Variants in FBXL4 observed in about 807,000 individuals in gnomAD.
FBXL4 encodes the protein F-box/LRR-repeat protein 4.
FBXL4 carries 40 observed loss-of-function variants against 58.9 expected under a neutral mutation model. That is an observed-to-expected ratio of 0.68 (90% confidence interval 0.53 to 0.88). The LOEUF (loss-of-function observed/expected upper bound fraction) is 0.88, where lower values mean the gene tolerates loss of function less well. FBXL4 is among the 40% of genes least tolerant of loss of function. The pLI, the probability that FBXL4 is intolerant of heterozygous loss-of-function variation, is 0.00. For synonymous variants in FBXL4, 263 were observed against 265.5 expected (o/e 0.99, Z 0.09); for missense variants, 676 against 734.4 (o/e 0.92, Z 0.92).
At chr6:98,936,007 A>C (rs762303315) in intron 1 of FBXL4, among the ~76,000 whole-genome samples, 10 of 152,192 alleles carry the variant, frequency 6.6e-5, no homozygotes, top group Non-Finnish European at 1.3e-4. Flanking sequence ...CTTTAGCCAA[A>C]TACTAGCCAT....
intron 5 of FBXL4, among the ~76,000 whole-genome samples, chr6:98,914,067 A>T (rs1772221977): frequency 6.6e-6 from 1 of 152,242 alleles, no homozygotes; most frequent in Non-Finnish European, 1.5e-5. Context: ...AAAATATAGA[A>T]GAAATGGATA....
Position 98,905,792 on chromosome 6 carries a change from G to A in FBXL4, c.859-122C>T, listed in dbSNP as rs1771788544. 3 of 966,306 alleles carry A rather than the reference G, an allele frequency of 3.1e-6. No individual in the cohort carries two copies. The African/African-American group carries it at 4.9e-5, about 16-fold the overall frequency. 59.9% of individuals were successfully genotyped at this position (966,306 alleles called of 1,614,324 possible). The stretch of plus-strand genomic sequence containing the variant: ...CATTTTATAACAATATTTTCACATA[G>A]TAAATAAACATCCAACAGAATTATC... On this transcript the variant is annotated intron_variant, in intron 5 of 9. Transcript: ENST00000369244.
chr6:98,910,585 A>G (rs1050958366), intron 5 of FBXL4, among the ~76,000 whole-genome samples: 1 of 151,774 alleles, frequency 6.6e-6, no homozygotes, highest in African/African-American at 2.4e-5. Context: ...TGAACCCAGG[A>G]GGCGGAGCTT....
rs572275755 is a variant in FBXL4 at position 98,922,814 on chromosome 6, T to C, written c.512+3663A>G. Among the ~76,000 whole-genome samples the C allele has an allele frequency of 1.9e-4, 29 of 152,320 alleles. 1 individual carries two copies. Among genetic ancestry groups the C allele is most frequent in the African/African-American group, 2.9e-4 (12 of 41,580 alleles). Reference sequence around the variant, plus strand: ...GAAATAATGGTGATGACAGGTAACATTGGCATTTTGTTTGTCTTTTTACTG... The same window carrying C: ...GAAATAATGGTGATGACAGGTAACACTGGCATTTTGTTTGTCTTTTTACTG... On this transcript the variant is annotated intron_variant, in intron 4 of 9. Transcript: ENST00000369244.
intron 8 of FBXL4, among the ~76,000 whole-genome samples, chr6:98,879,391 T>C (rs919268538): frequency 3.3e-5 from 5 of 152,138 alleles, no homozygotes; most frequent in Non-Finnish European, 7.4e-5. Context: ...AATGAATTCT[T>C]CCAGTCAGTT....
intron 5 of FBXL4, among the ~76,000 whole-genome samples, chr6:98,912,700 C>T (rs1001134425): frequency 1.3e-5 from 2 of 151,918 alleles, no homozygotes; most frequent in African/African-American, 2.4e-5. Flanking sequence ...AAGGCACAAC[C>T]GGTACCAGCT....
rs1770576821 is a variant in FBXL4 at position 98,874,352 on chromosome 6, T to C, written c.1792A>G (p.Ile598Val). The C allele has an allele frequency of 6.2e-7, 1 of 1,613,242 alleles. No homozygotes were observed. Among genetic ancestry groups the C allele is most frequent in the Non-Finnish European group, 8.5e-7 (1 of 1,179,610 alleles). The change falls in exon 10 of 10, where the codon ATT (isoleucine) becomes GTT (valine). Residue 598 changes from isoleucine (I) to valine (V), a missense_variant. Transcript: ENST00000369244. ...AGTTCTAGCACAGCTCTGTTATCAA[T>C]CTGCGAACAGAAGGACACATCAAGT... The part of the protein sequence containing the change: ...SLLDVSFCSQ[I>V]DNRAVLELNA...
intron 7 of FBXL4, among the ~76,000 whole-genome samples, chr6:98,896,020 AGC>A (rs1771396775): frequency 6.6e-6 from 1 of 152,134 alleles, no homozygotes; most frequent in Non-Finnish European, 1.5e-5. Flanking sequence ...GATAATTTGT[AGC>A]CCTTTTAAAA....
chr6:98,940,759 CT>C (rs879361850), intron 1 of FBXL4, among the ~76,000 whole-genome samples: 3 of 151,860 alleles, frequency 2.0e-5, no homozygotes, highest in Non-Finnish European at 4.4e-5. Flanking sequence ...TTGAAAATAT[CT>C]TTTTTTCTCT....
chr6:98,923,757 A>T (rs1036052524), intron 4 of FBXL4, among the ~76,000 whole-genome samples: 3 of 152,156 alleles, frequency 2.0e-5, no homozygotes, highest in Non-Finnish European at 4.4e-5. Flanking sequence ...GGTGTTCAAT[A>T]AATGTTTCTG....
chr6:98,930,448 T>G (rs1772971533), intron 2 of FBXL4, among the ~76,000 whole-genome samples: 1 of 152,076 alleles, frequency 6.6e-6, no homozygotes, highest in African/African-American at 2.4e-5. Flanking sequence ...AATAAGGTGT[T>G]TCTGTAACAC....
At chr6:98,921,348 G>A (rs929097841) in intron 4 of FBXL4, among the ~76,000 whole-genome samples, 1 of 151,718 alleles carries the variant, frequency 6.6e-6, no homozygotes, top group Non-Finnish European at 1.5e-5. Context: ...CAGGCTTGAA[G>A]CCAGGCAGAT....
intron 7 of FBXL4, chr6:98,896,836 A>G (rs375623774): frequency 1.0e-6 from 1 of 984,516 alleles, no homozygotes; most frequent in Non-Finnish European, 1.2e-6. Flanking sequence ...ACCTAGGTAC[A>G]TATGTATAAA....
rs1284497849 is a variant in FBXL4 at position 98,917,680 on chromosome 6, A to G, written c.552T>C (p.Asn184=). The change falls in exon 5 of 10, where the codon AAT becomes AAC. Residue 184 remains asparagine, a synonymous_variant. Transcript: ENST00000369244. ...ILWSERPTKV[N]ASQARQFKPC... is the part of the protein sequence containing the mutation. ...GTTTAAACTGGCGAGCTTGGGAAGCATTCACCTTCGTAGGTCTCTCTGACC... is the reference window on the plus strand; with the variant it reads ...GTTTAAACTGGCGAGCTTGGGAAGCGTTCACCTTCGTAGGTCTCTCTGACC... 2.5e-6 allele frequency: 4 copies of G among 1,612,650 alleles called. No individual in the cohort carries two copies. The African/African-American group carries it at 5.3e-5, about 22-fold the overall frequency.
At chr6:98,907,451 T>C (rs927427835) in intron 5 of FBXL4, among the ~76,000 whole-genome samples, 1 of 152,156 alleles carries the variant, frequency 6.6e-6, no homozygotes, top group African/African-American at 2.4e-5. Context: ...GCAGTGATGA[T>C]GGAGTAGCAA....
chr6:98,922,089 G>A (rs898071562), intron 4 of FBXL4, among the ~76,000 whole-genome samples: 3 of 152,104 alleles, frequency 2.0e-5, no homozygotes, highest in African/African-American at 4.8e-5. Context: ...CACCACGCCT[G>A]GCTAATTTTT....
intron 8 of FBXL4, among the ~76,000 whole-genome samples, chr6:98,877,808 C>T (rs1582362944): frequency 6.6e-6 from 1 of 152,064 alleles, no homozygotes; most frequent in African/African-American, 2.4e-5. Context: ...TTACTTCAAT[C>T]AGCATTATAT....
At chr6:98,942,927 T>C (rs1025374736) in intron 1 of FBXL4, among the ~76,000 whole-genome samples, 3 of 152,150 alleles carry the variant, frequency 2.0e-5, no homozygotes, top group African/African-American at 7.2e-5. Flanking sequence ...CTAGATTAAA[T>C]TGTCCTATTA....
At chr6:98,914,507 G>A (rs1772251656) in intron 5 of FBXL4, among the ~76,000 whole-genome samples, 1 of 152,146 alleles carries the variant, frequency 6.6e-6, no homozygotes, top group African/African-American at 2.4e-5. Context: ...TGCAAGGCTG[G>A]TTCAATATAC....
Sources: allele counts gnomAD v4.1 joint callset (sites outside exome capture counted in the v4.1 genomes callset), GRCh38; gene constraint gnomAD v4.1.1; transcripts MANE v1.5; gene names NCBI Gene and HGNC (gene_info 2026-07-23, HGNC 2026-07-21).